WDR90: variants seen among roughly 807,000 people sequenced by gnomAD.
The protein encoded by WDR90 is WD repeat-containing protein 90.
A neutral mutation model predicts 195.2 loss-of-function variants in WDR90; 238 were observed. That is an observed-to-expected ratio of 1.22 (90% confidence interval 1.10 to 1.36). WDR90 has a LOEUF of 1.36. WDR90 is among the 40% of genes most tolerant of loss of function. The pLI is 0.00. For missense variants in WDR90, 2,734 were observed against 2,439.5 expected, an observed-to-expected ratio of 1.12 and a Z score of -2.54; for synonymous variants, 1,265 against 1,052.4, an observed-to-expected ratio of 1.20 and a Z score of -3.91.
rs373924770 is a variant in WDR90, at chr16:650,561, C to T, written c.411C>T (p.Ser137=). 8.4e-5 allele frequency: 136 copies of T among 1,611,078 alleles called. No homozygotes were observed. In the African/African-American group the frequency reaches 9.9e-4, roughly 12 times the overall value. ...CAGATCTGGTGGGTTTGGCCCCCTC[C>T]GGAGCCCGCTGGACCTGCCTGCAGC... ...PQRDLVGLAP[S]GARWTCLQLD... The change falls in exon 5 of 41, where the codon TCC becomes TCT. Residue 137 remains serine, a synonymous_variant. Coordinates refer to ENST00000293879, the MANE Select transcript of WDR90 (RefSeq NM_145294.5).
intron 26 of WDR90, among the ~76,000 whole-genome samples, chr16:659,666 C>T (rs914679716): frequency 6.6e-6 from 1 of 152,192 alleles, no homozygotes; most frequent in African/African-American, 2.4e-5. Flanking sequence ...GCTGTGACCC[C>T]GAGGGGCTTG....
intron 31 of WDR90, 24 bp from the exon 32 acceptor site, chr16:661,867 A>G: frequency 6.2e-7 from 1 of 1,600,640 alleles, no homozygotes; most frequent in African/African-American, 1.3e-5. Flanking sequence ...CTGCTGACCC[A>G]TGGCCACTCT....
In WDR90 at chr16:666,891, C is replaced by T. The variant is rs2038084543; in HGVS notation, c.5005-14C>T. Reference sequence around the variant, plus strand: ...GAGCCCACAGGCCTGGAGCCTCACGCTGGCTGCTCACAGGTGGTGGAGAAG... The same window carrying T: ...GAGCCCACAGGCCTGGAGCCTCACGTTGGCTGCTCACAGGTGGTGGAGAAG... On this transcript the variant is annotated splice_polypyrimidine_tract_variant and intron_variant, in intron 39 of 40. Transcript: ENST00000293879. 6.2e-7 allele frequency: 1 copy of T among 1,613,138 alleles called. No individual in the cohort carries two copies. Among genetic ancestry groups the T allele is most frequent in the African/African-American group, 1.3e-5 (1 of 75,054 alleles).
chr16:658,018 A>G, intron 21 of WDR90, 126 bp downstream of exon 21: 1 of 1,456,232 alleles, frequency 6.9e-7, no homozygotes, highest in Non-Finnish European at 9.1e-7. Flanking sequence ...GTCGCAGAGT[A>G]CACATCAGCC....
Position 650,120 on chromosome 16 carries a change from C to G in WDR90, c.232C>G (p.Pro78Ala), listed in dbSNP as rs748997488. 7.4e-6 allele frequency: 12 copies of G among 1,613,110 alleles called. No individual in the cohort carries two copies. The highest frequency in any genetic ancestry group is 8.5e-6 in the Non-Finnish European group (10 of 1,179,974). The change falls in exon 3 of 41, where the codon CCC becomes GCC. Residue 78 changes from proline to alanine, a missense_variant. Pro to Ala is a conservative substitution (Grantham distance 27). Coordinates refer to ENST00000293879, the MANE Select transcript of WDR90 (RefSeq NM_145294.5). The stretch of plus-strand genomic sequence containing the variant: ...ACGATACCTGTATGTGCTCTTTCGG[C>G]CCCTGCCCAGCAAGCACTTCGTCAT... ...TGRYLYVLFR[P>A]LPSKHFVIHL...
chr16:660,588 G>C, intron 27 of WDR90, 24 bp from the exon 28 acceptor site: 1 of 1,552,486 alleles, frequency 6.4e-7, no homozygotes, highest in South Asian at 1.2e-5. Flanking sequence ...GGCCCCAGCA[G>C]CATCCGGGTC....
intron 10 of WDR90, among the ~76,000 whole-genome samples, chr16:652,853 C>T (rs766858436): frequency 6.6e-6 from 1 of 152,188 alleles, no homozygotes; most frequent in Non-Finnish European, 1.5e-5. Flanking sequence ...TGATCCAGAC[C>T]AGCAGTGTGG....
intron 22 of WDR90, 41 bp from the exon 23 acceptor site, chr16:658,482 ACT>A: frequency 2.5e-6 from 4 of 1,588,108 alleles, no homozygotes; most frequent in Non-Finnish European, 3.4e-6. Flanking sequence ...GCTGCTGGCC[ACT>A]CTCCTGAGAC....
Position 655,053 on chromosome 16 carries a change from C to T in WDR90, c.1462C>T (p.Gln488Ter). The T allele has an allele frequency of 3.1e-6, 5 of 1,612,714 alleles. No individual in the cohort carries two copies. In the South Asian group the frequency reaches 5.5e-5, roughly 18 times the overall value. ...GATGGTGGTGGCCTGGGGCACCGGC[C>T]AGGTGGGCCTCGGTGGCGAGGTGGT... ...RTMVVAWGTGQVGLGGEVVVL... is the reference protein window; with the variant it reads ...RTMVVAWGTG Residue 488 changes from glutamine (Q) to a stop codon, truncating the protein, a stop_gained, in exon 14 of 41, where the codon CAG becomes TAG. Transcript: ENST00000293879. LOFTEE classifies it high-confidence loss of function.
chr16:657,228 C>A lies in WDR90; in HGVS notation c.2473+7C>A. 6.5e-7 allele frequency: 1 copy of A among 1,537,186 alleles called. No homozygotes were observed. The highest frequency in any genetic ancestry group is 8.8e-7 in the Non-Finnish European group (1 of 1,139,582). On this transcript the variant is annotated splice_region_variant and intron_variant, in intron 20 of 40. Transcript: ENST00000293879. ...CATGTCCTCCGAGTGGCAGGTTGGG[C>A]CCCCTGCAGCCACTCTGGGGGACTC...
rs376947100 is a variant in WDR90 at position 658,904 on chromosome 16, C to A, written c.2904C>A (p.Ile968=). Residue 968 remains isoleucine, a synonymous_variant, in exon 24 of 41, where the codon ATC becomes ATA. Coordinates refer to ENST00000293879, the MANE Select transcript of WDR90 (RefSeq NM_145294.5). ...GACGCCGCTACCCCTAGGTGTACATCGGCCACTCGGAACCCGTGCAGGCTG... is the reference window on the plus strand; with the variant it reads ...GACGCCGCTACCCCTAGGTGTACATAGGCCACTCGGAACCCGTGCAGGCTG... ...TQASPGPQVY[I]GHSEPVQAVA... is the part of the protein sequence containing the mutation. 1 of 1,611,930 alleles carries A rather than the reference C, an allele frequency of 6.2e-7. No homozygotes were observed. Among genetic ancestry groups the A allele is most frequent in the East Asian group, 2.2e-5 (1 of 44,888 alleles).
intron 36 of WDR90, 43 bp downstream of exon 36, chr16:666,167 G>GCC (rs776138079): frequency 6.2e-7 from 1 of 1,606,042 alleles, no homozygotes; most frequent in Non-Finnish European, 8.5e-7. Context: ...TCCTGACCTG[G>GCC]CCCAGGTCCA....
intron 12 of WDR90, 28 bp downstream of exon 12, chr16:653,698 G>A: frequency 1.2e-6 from 2 of 1,613,220 alleles, no homozygotes; most frequent in Non-Finnish European, 1.7e-6. Flanking sequence ...CCATGCAGGG[G>A]GAGGGGGTCA....
At position 650,090 on chromosome 16, in the gene WDR90, A is replaced by G. The variant is rs912656781; in HGVS notation, c.202A>G (p.Thr68Ala). ...PKSSTQSLGLTGRYLYVLFRP... is the reference protein window; with the variant it reads ...PKSSTQSLGLAGRYLYVLFRP... ...GAGCAGCACCCAGTCTCTGGGGCTG[A>G]CGGGACGATACCTGTATGTGCTCTT... Residue 68 changes from threonine to alanine, a missense_variant, in exon 3 of 41, where the codon ACG becomes GCG. Coordinates refer to ENST00000293879, the MANE Select transcript of WDR90 (RefSeq NM_145294.5). 4 of 1,613,072 alleles carry G rather than the reference A, an allele frequency of 2.5e-6. No individual in the cohort carries two copies. Among genetic ancestry groups the G allele is most frequent in the Middle Eastern group, 3.3e-4 (2 of 6,062 alleles).
At chr16:658,105 T>G in intron 21 of WDR90, 78 bp from the exon 22 acceptor site, 7 of 1,539,462 alleles carry the variant, frequency 4.5e-6, no homozygotes, top group Non-Finnish European at 4.4e-6. Flanking sequence ...CCCCGGGACC[T>G]CCCTCCCGAG....
In WDR90 at chr16:653,601, T is replaced by C; in HGVS notation, c.1310T>C (p.Leu437Pro). 1 of 1,613,510 alleles carries C rather than the reference T, an allele frequency of 6.2e-7. No individual in the cohort carries two copies. The highest frequency in any genetic ancestry group is 8.5e-7 in the Non-Finnish European group (1 of 1,180,004). The change falls in exon 12 of 41, where the codon CTC (leucine) becomes CCC (proline). Residue 437 changes from leucine to proline, a missense_variant. By Grantham distance (98) the Leu-to-Pro change is moderately conservative. Transcript: ENST00000293879. ...AQARAPSVMR[L>P]WDFQTGRCLC... ...GCAAGGGCCCCTAGTGTGATGCGGC[T>C]CTGGGACTTCCAGACCGGGCGGTGC...
At chr16:664,642 T>C (rs2037986063) in intron 34 of WDR90, among the ~76,000 whole-genome samples, 1 of 151,974 alleles carries the variant, frequency 6.6e-6, no homozygotes, top group South Asian at 2.1e-4. Context: ...TGAGCTGTCC[T>C]GGTCTGAGTC....
Position 651,064 on chromosome 16 carries a change from C to A in WDR90, c.629C>A (p.Pro210His), listed in dbSNP as rs1596458435. 1 of 1,613,582 alleles carries A rather than the reference C, an allele frequency of 6.2e-7. No homozygotes were observed. Among genetic ancestry groups the A allele is most frequent in the African/African-American group, 1.3e-5 (1 of 75,038 alleles). The change falls in exon 6 of 41, where the codon CCC (proline) becomes CAC (histidine). Residue 210 changes from proline to histidine, a missense_variant. By Grantham distance (77) the Pro-to-His change is moderately conservative. Transcript: ENST00000293879. ...CCTCGGGAAATGGCATTCCCTGTGC[C>A]CAAGGGAGAGAGCTGGCATGACCGC... ...PMPREMAFPVPKGESWHDRYI... is the reference protein window; with the variant it reads ...PMPREMAFPVHKGESWHDRYI...
chr16:651,364 C>T (rs1258657052), intron 7 of WDR90, 98 bp downstream of exon 7: 1 of 1,366,452 alleles, frequency 7.3e-7, no homozygotes, highest in Non-Finnish European at 1.0e-6. Context: ...CAGTGGTGTG[C>T]TGGCTGCAGC....
Sources: gnomAD v4.1 joint callset for allele counts (sites outside exome capture counted in the v4.1 genomes callset) on GRCh38, gnomAD v4.1.1 for gene constraint, MANE v1.5 for transcripts, NCBI Gene and HGNC (gene_info 2026-07-23, HGNC 2026-07-21) for gene names.